Variants in YWHAB observed in about 807,000 individuals in gnomAD.
YWHAB encodes the protein tyrosine 3-monooxygenase/tryptophan 5-monooxygenase activation protein beta, also known as 14-3-3 protein beta/alpha.
Under a neutral mutation model 28.5 loss-of-function variants are expected in YWHAB, and 2 were observed. That is an observed-to-expected ratio of 0.07 (90% CI 0.03 to 0.22). YWHAB has a LOEUF of 0.22. Ranked by LOEUF, YWHAB falls within the 10% of genes least tolerant of loss-of-function variation. The pLI is 1.00. For synonymous variants in YWHAB, 103 were observed against 104.7 expected, an observed-to-expected ratio of 0.98 and a Z score of 0.10; for missense variants, 148 against 297.1, an observed-to-expected ratio of 0.50 and a Z score of 3.69.
intron 3 of YWHAB, among the ~76,000 whole-genome samples, chr20:44,904,572 T>C (rs2066645892): frequency 6.6e-6 from 1 of 152,192 alleles, no homozygotes; most frequent in South Asian, 2.1e-4. Flanking sequence ...ATTTTTCATA[T>C]AAACTGAGGT....
Position 44,905,184 on chromosome 20 carries a change from T to C in YWHAB, c.588+53T>C, listed in dbSNP as rs944027924. On this transcript the variant is annotated intron_variant, in intron 4 of 5. Transcript: ENST00000353703. ...CCATAGCAAAACAGTGCTTGTGTTA[T>C]TAACTTCATTTTATTCCTGAACATA... 9 of 1,526,426 alleles carry C rather than the reference T, an allele frequency of 5.9e-6. No homozygotes were observed. In the Admixed American group the frequency reaches 1.3e-4, roughly 22 times the overall value. The allele number at this position is 1,526,426 out of a possible 1,614,324, so 94.6% of individuals were successfully genotyped here.
chr20:44,888,880 A>C, intron 1 of YWHAB, among the ~76,000 whole-genome samples: 1 of 152,334 alleles, frequency 6.6e-6, no homozygotes, highest in East Asian at 1.9e-4. Context: ...CGACTTCATC[A>C]GTAGATGTTC....
chr20:44,906,170 A>G, intron 5 of YWHAB, 74 bp downstream of exon 5: 2 of 1,319,538 alleles, frequency 1.5e-6, no homozygotes, highest in Non-Finnish European at 2.2e-6. Flanking sequence ...TATCTTCAAG[A>G]GGGGATTTGT....
chr20:44,902,045 C>A (rs1233374006), intron 2 of YWHAB: 1 of 479,446 alleles, frequency 2.1e-6, no homozygotes, highest in South Asian at 5.5e-5. Flanking sequence ...AGATACTTTC[C>A]TCTCCTATCA....
At chr20:44,904,251 T>A in intron 3 of YWHAB, 135 bp downstream of exon 3, 1 of 1,186,376 alleles carries the variant, frequency 8.4e-7, no homozygotes, top group Non-Finnish European at 1.2e-6. Flanking sequence ...GACCACAGCA[T>A]TGTGACGAAC....
chr20:44,888,110 A>G (rs1169615141), intron 1 of YWHAB, among the ~76,000 whole-genome samples: 1 of 152,268 alleles, frequency 6.6e-6, no homozygotes, highest in African/African-American at 2.4e-5. Flanking sequence ...GACAAGCTCA[A>G]TAATGAAAAT....
rs3761187 is a variant in YWHAB, at chr20:44,904,398, A to G, written c.424+282A>G. On this transcript the variant is annotated intron_variant, in intron 3 of 5. Transcript: ENST00000353703. ...CTCTCTTTTTAGCAGTGAACTTTTT[A>G]TACTTGGTGGTACGAAACTACCCTA... 2.8e-3 allele frequency among the ~76,000 whole-genome samples: 421 copies of G among 152,246 alleles called. 11 individuals carry two copies. The highest frequency in any genetic ancestry group is 0.02 in the Admixed American group (310 of 15,296).
At chr20:44,892,261 C>T (rs2066567024) in intron 1 of YWHAB, among the ~76,000 whole-genome samples, 1 of 152,118 alleles carries the variant, frequency 6.6e-6, no homozygotes, top group African/African-American at 2.4e-5. Flanking sequence ...TCTTTATCTG[C>T]TTTGGCCTTT....
chr20:44,904,226 A>G, intron 3 of YWHAB, 110 bp downstream of exon 3: 1 of 1,384,598 alleles, frequency 7.2e-7, no homozygotes, highest in Non-Finnish European at 9.9e-7. Flanking sequence ...ATGTCACAGT[A>G]CTAAGAATTT....
intron 2 of YWHAB, chr20:44,903,090 G>A (rs934270659): frequency 2.1e-5 from 21 of 986,410 alleles, no homozygotes; most frequent in East Asian, 1.1e-4. Flanking sequence ...CTCTGTATAC[G>A]AAGCTTGGAC....
chr20:44,906,033 G>A lies in YWHAB; in HGVS notation c.621G>A (p.Thr207=), dbSNP rs1446478945. Residue 207 remains threonine, a synonymous_variant, in exon 5 of 6, where the codon ACG becomes ACA. Coordinates refer to ENST00000353703, the MANE Select transcript of YWHAB (RefSeq NM_139323.4). ...ATGAAGCAATTGCTGAATTGGATACGCTGAATGAAGAGTCTTATAAAGACA... is the reference window on the plus strand; with the variant it reads ...ATGAAGCAATTGCTGAATTGGATACACTGAATGAAGAGTCTTATAAAGACA... The part of the protein sequence containing the change: ...AFDEAIAELD[T]LNEESYKDST... The A allele has an allele frequency of 3.7e-6, 6 of 1,613,532 alleles. No individual in the cohort carries two copies. Among genetic ancestry groups the A allele is most frequent in the East Asian group, 2.2e-5 (1 of 44,874 alleles).
At chr20:44,898,829 CAA>C (rs1329642109) in intron 1 of YWHAB, among the ~76,000 whole-genome samples, 3 of 150,372 alleles carry the variant, frequency 2.0e-5, no homozygotes, top group Admixed American at 2.0e-4. Context: ...TTAAAAATAG[CAA>C]AGAGGCCAAG....
chr20:44,893,095 GTCT>G (rs1568929353), intron 1 of YWHAB, among the ~76,000 whole-genome samples: 2 of 152,102 alleles, frequency 1.3e-5, no homozygotes, highest in African/African-American at 4.8e-5. Flanking sequence ...GCAGTAGGTA[GTCT>G]TCTTTTTCTT....
Position 44,906,504 on chromosome 20 carries a change from TAAAAAAAAAA to T in YWHAB, c.*80_*89del. The T allele has an allele frequency of 8.1e-5, 29 of 356,888 alleles. No individual in the cohort carries two copies. The highest frequency in any genetic ancestry group is 6.0e-4 in the South Asian group (6 of 10,060). The allele number at this position is 356,888 out of a possible 1,614,324, so 22.1% of individuals were successfully genotyped here. A position where few individuals can be genotyped will look rare whatever the true frequency, so the allele number is the denominator to read the frequency against. ...CCCTCAACATATATCCCTTGTGCGA[TAAAAAAAAAA>T]AAAAAAAAAAAAAGAGAATCGTACG... On this transcript the variant is annotated 3_prime_UTR_variant, in exon 6 of 6. Transcript: ENST00000353703.
chr20:44,894,360 T>C (rs1321471284), intron 1 of YWHAB, among the ~76,000 whole-genome samples: 1 of 152,206 alleles, frequency 6.6e-6, no homozygotes. Flanking sequence ...AGGAGACAAA[T>C]AAAGAGTATC....
chr20:44,900,705 A>C (rs1438903741), intron 1 of YWHAB, among the ~76,000 whole-genome samples: 1 of 152,230 alleles, frequency 6.6e-6, no homozygotes, highest in Non-Finnish European at 1.5e-5. Context: ...GTATTACAGG[A>C]TACAGTTGGA....
Position 44,904,960 on chromosome 20 carries a change from T to C in YWHAB, c.425-8T>C. On this transcript the variant is annotated splice_polypyrimidine_tract_variant and splice_region_variant and intron_variant, in intron 3 of 5. Transcript: ENST00000353703. ...CGAGCCTTTAATATTTTCATCTTTA[T>C]GTTACAGCCACTGTGTCGAACTCCC... The C allele has an allele frequency of 6.3e-7, 1 of 1,577,552 alleles. No homozygotes were observed. The highest frequency in any genetic ancestry group is 8.6e-7 in the Non-Finnish European group (1 of 1,160,306).
rs368162171 is a variant in YWHAB at position 44,906,520 on chromosome 20, AAAAAAAAG to A, written c.*84_*91del. On this transcript the variant is annotated 3_prime_UTR_variant, in exon 6 of 6. Transcript: ENST00000353703. ...CTTGTGCGATAAAAAAAAAAAAAAA[AAAAAAAAG>A]AGAATCGTACGTCGACTTTCGATTT... is the stretch of plus-strand genomic sequence containing the variant. 47,129 of 1,034,172 alleles carry A rather than the reference AAAAAAAAG, an allele frequency of 0.046. 312 individuals carry two copies. Among genetic ancestry groups the A allele is most frequent in the Middle Eastern group, 0.068 (180 of 2,664 alleles). 64.1% of individuals were successfully genotyped at this position (1,034,172 alleles called of 1,614,324 possible). A position where few individuals can be genotyped will look rare whatever the true frequency, so the allele number is the denominator to read the frequency against.
chr20:44,886,066 CCGGGGCCGGGCCCTTTACCT>C (rs1000808755), intron 1 of YWHAB, 180 bp downstream of exon 1: 14 of 152,284 alleles, frequency 9.2e-5, no homozygotes, highest in Admixed American at 7.9e-4. Flanking sequence ...CTCCCTGTTT[CCGGGGCCGGGCCCTTTACCT>C]CTTGGAGAGG....
Sources: allele counts gnomAD v4.1 joint callset (sites outside exome capture counted in the v4.1 genomes callset), GRCh38; gene constraint gnomAD v4.1.1; transcripts MANE v1.5; gene names NCBI Gene and HGNC (gene_info 2026-07-23, HGNC 2026-07-21).